The following PDE4B variants were observed in gnomAD, a reference collection of about 807,000 sequenced individuals.
The protein encoded by PDE4B is phosphodiesterase 4B, also known as 3',5'-cyclic-AMP phosphodiesterase 4B.
Under a neutral mutation model 82.2 loss-of-function variants are expected in PDE4B, and 20 were observed. The ratio of observed to expected loss-of-function variants is 0.24; its 90% CI spans 0.17 to 0.35. PDE4B has a LOEUF of 0.35. Among genes scored for constraint, PDE4B ranks in the 10% least tolerant of loss-of-function variants. The pLI is 1.00. For synonymous variants in PDE4B, 320 were observed against 318.9 expected, an observed-to-expected ratio of 1.00 and a Z score of -0.04; for missense variants, 655 against 907.2, an observed-to-expected ratio of 0.72 and a Z score of 3.57.
At chr1:65,969,439 A>G (rs1048991795) in intron 3 of PDE4B, among the ~76,000 whole-genome samples, 1 of 152,220 alleles carries the variant, frequency 6.6e-6, no homozygotes, top group Non-Finnish European at 1.5e-5. Context: ...CACTTGATGA[A>G]TAATGCTAAT....
chr1:65,850,095 T>C (rs1045073997), intron 1 of PDE4B, among the ~76,000 whole-genome samples: 7 of 149,716 alleles, frequency 4.7e-5, no homozygotes, highest in African/African-American at 1.7e-4. Flanking sequence ...CAACGCTTAG[T>C]AGTATTGCCC....
chr1:66,314,700 A>G (rs1245197332), intron 7 of PDE4B, among the ~76,000 whole-genome samples: 1 of 152,166 alleles, frequency 6.6e-6, no homozygotes, highest in African/African-American at 2.4e-5. Context: ...GGCTTGAGCC[A>G]CCGTGCCCAA....
At chr1:65,943,653 T>G (rs1159668117) in intron 3 of PDE4B, among the ~76,000 whole-genome samples, 1 of 151,982 alleles carries the variant, frequency 6.6e-6, no homozygotes, top group African/African-American at 2.4e-5. Flanking sequence ...CCTCTCCATA[T>G]ATCCGAGTCT....
chr1:66,343,988 G>A (rs1397019086), intron 8 of PDE4B, among the ~76,000 whole-genome samples: 2 of 152,100 alleles, frequency 1.3e-5, no homozygotes, highest in Non-Finnish European at 2.9e-5. Flanking sequence ...GGTCACTAAT[G>A]AAATGGACTC....
intron 3 of PDE4B, among the ~76,000 whole-genome samples, chr1:66,201,768 C>G (rs1461963899): frequency 6.6e-6 from 1 of 151,810 alleles, no homozygotes. Flanking sequence ...AGCGGTCTAT[C>G]AATTTTGTTG....
intron 1 of PDE4B, among the ~76,000 whole-genome samples, chr1:65,801,251 G>A (rs950281112): frequency 2.0e-5 from 3 of 152,120 alleles, no homozygotes; most frequent in Non-Finnish European, 2.9e-5. Context: ...TTGGATCCTC[G>A]GTGGCATTTT....
intron 3 of PDE4B, among the ~76,000 whole-genome samples, chr1:66,233,153 C>G (rs1249774740): frequency 1.3e-5 from 2 of 152,186 alleles, no homozygotes; most frequent in African/African-American, 4.8e-5. Context: ...CCCTTTCCCC[C>G]CAGGAAACTA....
intron 7 of PDE4B, among the ~76,000 whole-genome samples, chr1:66,319,890 C>A (rs1382381990): frequency 6.6e-6 from 1 of 152,114 alleles, no homozygotes; most frequent in South Asian, 2.1e-4. Flanking sequence ...TCCTTCTTGC[C>A]TGCCAAATAA....
chr1:66,052,977 A>G (rs933183181), intron 3 of PDE4B, among the ~76,000 whole-genome samples: 4 of 152,214 alleles, frequency 2.6e-5, no homozygotes, highest in African/African-American at 4.8e-5. Flanking sequence ...ATAAAGTGTC[A>G]TTAGGAGTTT....
intron 3 of PDE4B, among the ~76,000 whole-genome samples, chr1:65,961,883 A>G (rs757163636): frequency 6.6e-6 from 1 of 152,188 alleles, no homozygotes; most frequent in African/African-American, 2.4e-5. Flanking sequence ...TTGAAAGAGC[A>G]TGGGGTACAT....
rs114519583 is a variant in PDE4B, at chr1:66,061,082, G to A, written c.281+142247G>A. Among the ~76,000 whole-genome samples, 860 of 151,466 alleles carry A rather than the reference G, an allele frequency of 5.7e-3. 3 individuals are homozygous for A. The highest frequency in any genetic ancestry group is 8.7e-3 in the Non-Finnish European group (592 of 67,866). On this transcript the variant is annotated intron_variant, in intron 3 of 16. Coordinates refer to ENST00000341517, the MANE Select transcript of PDE4B (RefSeq NM_002600.4). ...CTTTTTCAGGGAATCTCTAGAACAC[G>A]TTCTTTGAAAATGAGAAAGATAGCC...
At chr1:65,930,944 C>T (rs1168253551) in intron 3 of PDE4B, among the ~76,000 whole-genome samples, 2 of 152,190 alleles carry the variant, frequency 1.3e-5, no homozygotes, top group Non-Finnish European at 2.9e-5. Context: ...AATCTGTGTC[C>T]TCACTCAAAT....
At chr1:66,225,047 C>A (rs145500949) in intron 3 of PDE4B, among the ~76,000 whole-genome samples, 1 of 152,194 alleles carries the variant, frequency 6.6e-6, no homozygotes, top group Non-Finnish European at 1.5e-5. Context: ...GTACTCTGGA[C>A]ACCACTTCAC....
intron 3 of PDE4B, among the ~76,000 whole-genome samples, chr1:66,214,701 CA>C (rs112554757): frequency 1.3e-5 from 2 of 152,140 alleles, no homozygotes; most frequent in African/African-American, 4.8e-5. Context: ...CCCTGTGTCA[CA>C]AGTGGTAGAA....
At chr1:66,197,923 T>C (rs555332022) in intron 3 of PDE4B, among the ~76,000 whole-genome samples, 1 of 152,306 alleles carries the variant, frequency 6.6e-6, no homozygotes, top group South Asian at 2.1e-4. Flanking sequence ...AAGCAGTTTC[T>C]GTTGAGTTGG....
At chr1:66,129,801 T>G (rs759953068) in intron 3 of PDE4B, among the ~76,000 whole-genome samples, 1 of 152,188 alleles carries the variant, frequency 6.6e-6, no homozygotes, top group Non-Finnish European at 1.5e-5. Flanking sequence ...AGGAATTTCT[T>G]TAAAATATGG....
intron 13 of PDE4B, among the ~76,000 whole-genome samples, chr1:66,366,191 C>A (rs1338073283): frequency 6.6e-6 from 1 of 152,054 alleles, no homozygotes. Flanking sequence ...CACATGGGAA[C>A]CTCCAGGTAA....
chr1:65,818,683 C>CATATATAT (rs1471583640), intron 1 of PDE4B, among the ~76,000 whole-genome samples: 3 of 45,500 alleles, frequency 6.6e-5, no homozygotes, highest in Admixed American at 2.6e-4. Flanking sequence ...CACACACACA[C>CATATATAT]ACATATATAT....
intron 1 of PDE4B, among the ~76,000 whole-genome samples, chr1:65,891,194 A>T (rs1208377826): frequency 6.6e-6 from 1 of 152,100 alleles, no homozygotes; most frequent in African/African-American, 2.4e-5. Flanking sequence ...GACCCTTGAG[A>T]CCAGAAACTT....
Sources: gnomAD v4.1 joint callset for allele counts (sites outside exome capture counted in the v4.1 genomes callset) on GRCh38, gnomAD v4.1.1 for gene constraint, MANE v1.5 for transcripts, NCBI Gene and HGNC (gene_info 2026-07-23, HGNC 2026-07-21) for gene names.